The following MPP4 variants were observed in gnomAD, a reference collection of about 807,000 sequenced individuals.
MPP4 encodes MAGUK p55 subfamily member 4.
Under a neutral mutation model 98.3 loss-of-function variants are expected in MPP4, and 91 were observed. The observed-to-expected ratio is 0.93, with a 90% CI of 0.78 to 1.10. The LOEUF is 1.10. MPP4 is among the 50% of genes least tolerant of loss of function. The pLI, the probability that MPP4 is intolerant of heterozygous loss-of-function variation, is 0.00. For missense variants in MPP4, 744 were observed against 792.9 expected, an observed-to-expected ratio of 0.94 and a Z score of 0.74; for synonymous variants, 261 against 271.8, an observed-to-expected ratio of 0.96 and a Z score of 0.39.
intron 12 of MPP4, among the ~76,000 whole-genome samples, 138 bp downstream of exon 12, chr2:201,669,580 TATAGGAAGAGCTTAA>T (rs145833090): frequency 0.98 from 148,973 of 152,298 alleles, 72,949 homozygotes; most frequent in East Asian, 1. Context: ...CTACTAGGTA[TATAGGAAGAGCTTAA>T]TAATGACTAT....
chr2:201,677,775 C>T (rs1688548457), intron 10 of MPP4, among the ~76,000 whole-genome samples: 1 of 152,146 alleles, frequency 6.6e-6, no homozygotes, highest in Non-Finnish European at 1.5e-5. Context: ...ATACCCAGCT[C>T]ATTTTTACTC....
chr2:201,666,512 A>G, intron 12 of MPP4, 140 bp from the exon 13 acceptor site: 1 of 571,868 alleles, frequency 1.7e-6, no homozygotes, highest in South Asian at 2.6e-5. Context: ...CCTGAGATCA[A>G]GAGTTCGAGA....
Position 201,645,334 on chromosome 2 carries a change from T to G in MPP4, c.1790A>C (p.His597Pro). The G allele has an allele frequency of 6.2e-7, 1 of 1,614,010 alleles. No individual in the cohort carries two copies. Among genetic ancestry groups the G allele is most frequent in the Non-Finnish European group, 8.5e-7 (1 of 1,179,878 alleles). ...GTGCAAGCTGTCATTCACAATCACA[T>G]GATCAAAAAATTGGCCAAACTGAGT... The part of the protein sequence containing the change: ...METQFGQFFD[H>P]VIVNDSLHDA... Residue 597 changes from histidine to proline, a missense_variant, in exon 22 of 22, where the codon CAT becomes CCT. Coordinates refer to ENST00000409474, the MANE Select transcript of MPP4 (RefSeq NM_033066.3).
chr2:201,663,755 G>A (rs1214189709), intron 14 of MPP4, among the ~76,000 whole-genome samples: 4 of 152,124 alleles, frequency 2.6e-5, no homozygotes, highest in African/African-American at 7.2e-5. Flanking sequence ...AATGGCATAT[G>A]CCTGTAGTTC....
chr2:201,668,822 C>A (rs1326341856), intron 12 of MPP4, among the ~76,000 whole-genome samples: 2 of 152,130 alleles, frequency 1.3e-5, no homozygotes, highest in Admixed American at 6.5e-5. Flanking sequence ...AACAGTGCAG[C>A]CTGTAACATG....
intron 14 of MPP4, among the ~76,000 whole-genome samples, chr2:201,660,784 C>G (rs1688002691): frequency 6.6e-6 from 1 of 152,066 alleles, no homozygotes; most frequent in African/African-American, 2.4e-5. Context: ...AGCCTCTGGC[C>G]CAAGCGAGGG....
At chr2:201,687,393 A>G (rs746830407) in intron 4 of MPP4, 22 bp from the exon 5 acceptor site, 3 of 1,544,558 alleles carry the variant, frequency 1.9e-6, no homozygotes, top group East Asian at 4.8e-5. Flanking sequence ...AAAAGGATAC[A>G]TTATAAAAAT....
chr2:201,664,265 T>G (rs1241598806), intron 13 of MPP4, 164 bp from the exon 14 acceptor site: 2 of 1,482,882 alleles, frequency 1.3e-6, no homozygotes, highest in Non-Finnish European at 1.8e-6. Context: ...CTCTATGGCA[T>G]ATATCAGCTT....
rs1461791232 is a variant in MPP4, at chr2:201,680,832, C to T, written c.929+6G>A. Reference sequence around the variant, plus strand: ...CCCTGAGTCCAGGAGTGGTGACGTTCCTTACCTCTTCAGAAGGTGGTTAGA... The same window carrying T: ...CCCTGAGTCCAGGAGTGGTGACGTTTCTTACCTCTTCAGAAGGTGGTTAGA... On this transcript the variant is annotated splice_donor_region_variant and intron_variant, in intron 10 of 21. Transcript: ENST00000409474. 1 of 1,608,772 alleles carries T rather than the reference C, an allele frequency of 6.2e-7. No homozygotes were observed. The highest frequency in any genetic ancestry group is 8.5e-7 in the Non-Finnish European group (1 of 1,176,634).
intron 17 of MPP4, among the ~76,000 whole-genome samples, chr2:201,655,662 T>C (rs952214003): frequency 3.3e-5 from 5 of 152,134 alleles, no homozygotes; most frequent in African/African-American, 1.2e-4. Flanking sequence ...GGGACCAACT[T>C]TGCAAAAGTC....
chr2:201,649,648 A>G lies in MPP4; in HGVS notation c.1512T>C (p.Tyr504=), dbSNP rs866136023. 6.2e-7 allele frequency: 1 copy of G among 1,611,198 alleles called. No individual in the cohort carries two copies. Among genetic ancestry groups the G allele is most frequent in the Middle Eastern group, 1.7e-4 (1 of 6,060 alleles). ...TTTGAACAGCATCCACACTAGTGCC[A>G]TACAGGTGGCCTTTGTACTCACCAT... is the stretch of plus-strand genomic sequence containing the variant. The part of the protein sequence containing the change: ...LEYGEYKGHL[Y]GTSVDAVQTV... The change falls in exon 20 of 22, where the codon TAT becomes TAC. Residue 504 remains tyrosine, a synonymous_variant. Transcript: ENST00000409474.
intron 13 of MPP4, 146 bp from the exon 14 acceptor site, chr2:201,664,247 G>A (rs1162694507): frequency 2.0e-6 from 3 of 1,488,712 alleles, no homozygotes; most frequent in Non-Finnish European, 2.7e-6. Context: ...AGGTCGAATC[G>A]ATGGTGTCTC....
intron 11 of MPP4, 53 bp downstream of exon 11, chr2:201,675,154 C>A: frequency 1.3e-6 from 2 of 1,533,090 alleles, no homozygotes; most frequent in African/African-American, 1.4e-5. Flanking sequence ...TACTGCAATG[C>A]CATGGTCTTT....
chr2:201,648,130 C>A (rs1252274059), intron 20 of MPP4, among the ~76,000 whole-genome samples: 1 of 152,252 alleles, frequency 6.6e-6, no homozygotes, highest in African/African-American at 2.4e-5. Flanking sequence ...TCAAGCAATT[C>A]TTGTGCCTCA....
intron 11 of MPP4, among the ~76,000 whole-genome samples, chr2:201,671,433 C>T (rs1688340777): frequency 6.6e-6 from 1 of 151,984 alleles, no homozygotes; most frequent in Non-Finnish European, 1.5e-5. Flanking sequence ...GGCTAAATAC[C>T]CCAATTAAAA....
chr2:201,687,440 G>T, intron 4 of MPP4, 69 bp from the exon 5 acceptor site: 1 of 1,205,086 alleles, frequency 8.3e-7, no homozygotes. Context: ...ACCTCACCCA[G>T]GCTGGATAAC....
intron 14 of MPP4, among the ~76,000 whole-genome samples, chr2:201,663,513 G>C (rs918852296): frequency 2.4e-4 from 37 of 152,252 alleles, no homozygotes; most frequent in African/African-American, 8.7e-4. Context: ...GCCTGGAGTT[G>C]GAGACAAGCC....
At chr2:201,658,418 G>A in intron 16 of MPP4, 59 bp downstream of exon 16, 2 of 1,454,326 alleles carry the variant, frequency 1.4e-6, no homozygotes, top group South Asian at 1.2e-5. Flanking sequence ...ACAGTGTCAG[G>A]TTTGGAAACA....
intron 3 of MPP4, among the ~76,000 whole-genome samples, chr2:201,691,205 G>T (rs1689010993): frequency 6.6e-6 from 1 of 152,170 alleles, no homozygotes; most frequent in Admixed American, 6.5e-5. Flanking sequence ...ATGCCTGATA[G>T]AAATCAGGTG....
Sources: gnomAD v4.1 joint callset for allele counts (sites outside exome capture counted in the v4.1 genomes callset) on GRCh38, gnomAD v4.1.1 for gene constraint, MANE v1.5 for transcripts, NCBI Gene and HGNC (gene_info 2026-07-23, HGNC 2026-07-21) for gene names.